The following RBM6 variants were observed in gnomAD, a reference collection of about 807,000 sequenced individuals.
The protein encoded by RBM6 is RNA-binding protein 6.
A neutral mutation model predicts 140.4 loss-of-function variants in RBM6; 23 were observed. The ratio of observed to expected loss-of-function variants is 0.16; its 90% CI spans 0.12 to 0.23. RBM6 has a LOEUF of 0.23. Ranked by LOEUF, RBM6 falls within the 10% of genes least tolerant of loss-of-function variation. The probability of loss-of-function intolerance (pLI) is 1.00; values close to 1 mark genes in which losing one functional copy is unlikely to be tolerated. For missense variants in RBM6, 1,139 were observed against 1,386.7 expected, an observed-to-expected ratio of 0.82 and a Z score of 2.84; for synonymous variants, 439 against 475.6, an observed-to-expected ratio of 0.92 and a Z score of 1.00.
intron 1 of RBM6, among the ~76,000 whole-genome samples, chr3:49,961,170 C>T (rs1046395571): frequency 4.6e-5 from 7 of 152,044 alleles, no homozygotes; most frequent in African/African-American, 9.7e-5. Flanking sequence ...CTCCGCCTCC[C>T]GGTTTCAAGC....
rs545247023 is a variant in RBM6 at position 50,067,777 on chromosome 3, T to C, written c.2944-913T>C. Among the ~76,000 whole-genome samples, 61 of 152,330 alleles carry C rather than the reference T, an allele frequency of 4.0e-4. No homozygotes were observed. The South Asian group carries it at 0.012, about 31-fold the overall frequency. On this transcript the variant is annotated intron_variant, in intron 17 of 20. Coordinates refer to ENST00000266022, the MANE Select transcript of RBM6 (RefSeq NM_005777.3). ...TTTCACACCCCTTCTCTAGTAGATG[T>C]TGCAAGAGCAGGTGATGGAACTAGA... is the stretch of plus-strand genomic sequence containing the variant.
chr3:50,039,821 C>T (rs1403148031), intron 6 of RBM6, among the ~76,000 whole-genome samples: 1 of 152,174 alleles, frequency 6.6e-6, no homozygotes, highest in Non-Finnish European at 1.5e-5. Context: ...GTCTTGTCTT[C>T]TCACAAGGAG....
intron 5 of RBM6, among the ~76,000 whole-genome samples, chr3:49,990,175 G>A (rs530284973): frequency 1.5e-4 from 23 of 152,260 alleles, no homozygotes; most frequent in African/African-American, 5.5e-4. Context: ...TTTGAGAAAT[G>A]GATCAAGTGA....
At chr3:49,978,958 C>T (rs1347221459) in intron 5 of RBM6, among the ~76,000 whole-genome samples, 1 of 152,086 alleles carries the variant, frequency 6.6e-6, no homozygotes, top group East Asian at 1.9e-4. Flanking sequence ...GGTGACTAGA[C>T]AAACTCTAGT....
At position 50,061,371 on chromosome 3, in the gene RBM6, T is replaced by C. The variant is rs368868445; in HGVS notation, c.2354-91T>C. The C allele has an allele frequency of 7.6e-6, 12 of 1,578,198 alleles. No homozygotes were observed. The South Asian group carries it at 9.4e-5, about 12-fold the overall frequency. ...CATCTGTAGATGCACCTATTTGTGTTGGTCACCCTAATTCTTGGGTTCTTG... is the reference window on the plus strand; with the variant it reads ...CATCTGTAGATGCACCTATTTGTGTCGGTCACCCTAATTCTTGGGTTCTTG... On this transcript the variant is annotated intron_variant, in intron 13 of 20. Coordinates refer to ENST00000266022, the MANE Select transcript of RBM6 (RefSeq NM_005777.3).
intron 15 of RBM6, among the ~76,000 whole-genome samples, chr3:50,064,413 G>C (rs563301025): frequency 6.6e-6 from 1 of 152,272 alleles, no homozygotes; most frequent in South Asian, 2.1e-4. Flanking sequence ...GCTTACATAG[G>C]AGGATCATAG....
At chr3:49,946,171 A>G (rs1321806414) in intron 1 of RBM6, among the ~76,000 whole-genome samples, 2 of 151,862 alleles carry the variant, frequency 1.3e-5, no homozygotes, top group African/African-American at 2.4e-5. Flanking sequence ...CAGTCCTAGC[A>G]TACTGTGTAA....
chr3:49,980,926 G>A (rs1017467319), intron 5 of RBM6, among the ~76,000 whole-genome samples: 8 of 151,086 alleles, frequency 5.3e-5, no homozygotes, highest in Non-Finnish European at 7.4e-5. Context: ...TTTTTGAGAC[G>A]GAGTCTTGCA....
chr3:49,973,081 T>G (rs1195614663), intron 4 of RBM6, among the ~76,000 whole-genome samples: 3 of 152,144 alleles, frequency 2.0e-5, no homozygotes, highest in Non-Finnish European at 2.9e-5. Context: ...TCTCCCTGCT[T>G]CTGCCTCCCA....
Position 49,968,758 on chromosome 3 carries a change from TG to T in RBM6, c.1323+14del. The T allele has an allele frequency of 8.4e-7, 1 of 1,193,670 alleles. No individual in the cohort carries two copies. Among genetic ancestry groups the T allele is most frequent in the Non-Finnish European group, 1.2e-6 (1 of 855,300 alleles). 73.9% of individuals were successfully genotyped at this position (1,193,670 alleles called of 1,614,324 possible). A position where few individuals can be genotyped will look rare whatever the true frequency, so the allele number is the denominator to read the frequency against. On this transcript the variant is annotated intron_variant, in intron 3 of 20. Coordinates refer to ENST00000266022, the MANE Select transcript of RBM6 (RefSeq NM_005777.3). Reference sequence around the variant, plus strand: ...CCAACGGGACCTTCAGGTATGTTGATGGGGTGGATTGCTTTTTTTTTTTTTT... The same window carrying T: ...CCAACGGGACCTTCAGGTATGTTGATGGGTGGATTGCTTTTTTTTTTTTTT...
chr3:49,999,189 A>G (rs1575649789), intron 5 of RBM6, among the ~76,000 whole-genome samples: 2 of 152,142 alleles, frequency 1.3e-5, no homozygotes, highest in East Asian at 3.9e-4. Flanking sequence ...CACCAGTGCT[A>G]AAGAGGGCAA....
At position 49,975,319 on chromosome 3, in the gene RBM6, G is replaced by T. The variant is rs1255675732; in HGVS notation, c.1414-4G>T. ...TCATTTGTATAAATGCCATATTTTTGCAGATTCTTAATGCTTTTCGGACTC... is the reference window on the plus strand; with the variant it reads ...TCATTTGTATAAATGCCATATTTTTTCAGATTCTTAATGCTTTTCGGACTC... On this transcript the variant is annotated splice_region_variant and splice_polypyrimidine_tract_variant and intron_variant, in intron 4 of 20. Transcript: ENST00000266022. 6.2e-7 allele frequency: 1 copy of T among 1,607,196 alleles called. No homozygotes were observed.
chr3:50,073,224 GA>G (rs1224866608), intron 19 of RBM6, among the ~76,000 whole-genome samples: 1 of 152,140 alleles, frequency 6.6e-6, no homozygotes, highest in Non-Finnish European at 1.5e-5. Context: ...TCTGTTTTAT[GA>G]TACCATAACT....
rs1475008267 is a variant in RBM6 at position 50,061,518 on chromosome 3, G to T, written c.2410G>T (p.Ala804Ser). The T allele has an allele frequency of 3.1e-6, 5 of 1,607,226 alleles. No individual in the cohort carries two copies. The East Asian group carries it at 8.9e-5, about 29-fold the overall frequency. Residue 804 changes from alanine (A) to serine (S), a missense_variant, in exon 14 of 21, where the codon GCA becomes TCA. Physicochemically the swap from Ala to Ser is moderately conservative, Grantham distance 99 (BLOSUM62 1). This residue lies in a region of RBM6 where 163 missense variants were observed against 182.8 expected (regional missense o/e 0.89). Transcript: ENST00000266022. ...TACTGGCTACTATTATGACCCCTTG[G>T]CAGGAACTTATTATGACCCCAATAC... ...SATGYYYDPL[A>S]GTYYDPNTQQ...
chr3:49,989,157 A>C (rs893665696), intron 5 of RBM6, among the ~76,000 whole-genome samples: 1 of 152,174 alleles, frequency 6.6e-6, no homozygotes, highest in African/African-American at 2.4e-5. Flanking sequence ...TTGTGCACCA[A>C]ACGAAACAAC....
At chr3:50,028,449 A>G (rs2087961799) in intron 6 of RBM6, among the ~76,000 whole-genome samples, 1 of 152,194 alleles carries the variant, frequency 6.6e-6, no homozygotes, top group African/African-American at 2.4e-5. Context: ...TCCTGGCTCA[A>G]CTGGCACCCT....
chr3:50,075,299 A>G lies in RBM6; in HGVS notation c.3215A>G (p.Tyr1072Cys), dbSNP rs562534362. The change falls in exon 20 of 21, where the codon TAT (tyrosine) becomes TGT (cysteine). Residue 1072 changes from tyrosine to cysteine, a missense_variant. Coordinates refer to ENST00000266022, the MANE Select transcript of RBM6 (RefSeq NM_005777.3). ...TGWRKGTGLGYGHPGLASSEE... is the reference protein window; with the variant it reads ...TGWRKGTGLGCGHPGLASSEE... ...TGGAGGAAAGGGACAGGCCTGGGATATGGCCATCCTGGATTGGCTTCATCA... is the reference window on the plus strand; with the variant it reads ...TGGAGGAAAGGGACAGGCCTGGGATGTGGCCATCCTGGATTGGCTTCATCA... 159 of 1,613,906 alleles carry G rather than the reference A, an allele frequency of 9.9e-5. No homozygotes were observed. The highest frequency in any genetic ancestry group is 1.3e-4 in the Non-Finnish European group (150 of 1,179,876).
chr3:50,061,156 G>C lies in RBM6; in HGVS notation c.2288G>C (p.Arg763Pro). ...MHYYQGKKYF[R>P]DRRGGGRNSD... is the part of the protein sequence containing the mutation. ...CTGTGATAGGGTAAAAAATATTTCC[G>C]AGATAGGAGGGGAGGTGGCAGAAAT... The change falls in exon 13 of 21, where the codon CGA becomes CCA. Residue 763 changes from arginine (R) to proline (P), a missense_variant. Arg to Pro is a moderately radical substitution (Grantham distance 103, BLOSUM62 -2). Around this residue, in one of 9 missense-constraint regions of RBM6, gnomAD observed 163 missense variants for 182.8 expected, o/e 0.89. Coordinates refer to ENST00000266022, the MANE Select transcript of RBM6 (RefSeq NM_005777.3). 1 of 1,614,136 alleles carries C rather than the reference G, an allele frequency of 6.2e-7. No homozygotes were observed. Among genetic ancestry groups the C allele is most frequent in the Non-Finnish European group, 8.5e-7 (1 of 1,180,026 alleles).
At chr3:50,062,698 A>G (rs1003221079) in intron 15 of RBM6, among the ~76,000 whole-genome samples, 6 of 152,054 alleles carry the variant, frequency 3.9e-5, no homozygotes, top group African/African-American at 1.4e-4. Context: ...GTTTGACTTT[A>G]TACACATTTC....
Sources: gnomAD v4.1 joint callset for allele counts (sites outside exome capture counted in the v4.1 genomes callset) on GRCh38, gnomAD v4.1.1 for gene constraint, gnomAD v4.1.1 regional missense constraint, MANE v1.5 for transcripts, NCBI Gene and HGNC (gene_info 2026-07-23, HGNC 2026-07-21) for gene names.